Variants in TFEB observed in about 807,000 individuals in gnomAD.
TFEB encodes T-cell transcription factor EB.
Under a neutral mutation model 48.0 loss-of-function variants are expected in TFEB, and 12 were observed. That is an observed-to-expected ratio of 0.25 (90% confidence interval 0.16 to 0.40). The LOEUF (loss-of-function observed/expected upper bound fraction) is 0.40. TFEB is among the 10% of genes least tolerant of loss of function. The pLI, the probability that TFEB is intolerant of heterozygous loss-of-function variation, is 1.00. For synonymous variants in TFEB, 244 were observed against 261.4 expected, an observed-to-expected ratio of 0.93 and a Z score of 0.64; for missense variants, 509 against 640.3, an observed-to-expected ratio of 0.79 and a Z score of 2.21.
chr6:41,686,504 CT>C, intron 7 of TFEB: 1 of 267,250 alleles, frequency 3.7e-6, no homozygotes, highest in South Asian at 1.1e-4. Context: ...CCCAGCCTAC[CT>C]TTCTTTTTTT....
At chr6:41,698,565 C>T (rs1769732553) in intron 1 of TFEB, among the ~76,000 whole-genome samples, 2 of 152,106 alleles carry the variant, frequency 1.3e-5, no homozygotes, top group African/African-American at 4.8e-5. Flanking sequence ...GTGTGCAAGC[C>T]CAGAGGCTGG....
At chr6:41,714,710 T>C (rs1204838416) in intron 1 of TFEB, among the ~76,000 whole-genome samples, 1 of 152,154 alleles carries the variant, frequency 6.6e-6, no homozygotes, top group Non-Finnish European at 1.5e-5. Context: ...GCGGGGAGAC[T>C]GGGGCAGCGC....
chr6:41,687,457 C>G (rs997150090), intron 6 of TFEB, among the ~76,000 whole-genome samples: 1 of 152,226 alleles, frequency 6.6e-6, no homozygotes, highest in Admixed American at 6.5e-5. Context: ...ACACAGAACT[C>G]TGATGCCCCA....
rs567468165 is a variant in TFEB at position 41,691,861 on chromosome 6, C to T, written c.-22-626G>A. 6.6e-6 allele frequency among the ~76,000 whole-genome samples: 1 copy of T among 152,158 alleles called. No individual in the cohort carries two copies. Among genetic ancestry groups the T allele is most frequent in the African/African-American group, 2.4e-5 (1 of 41,426 alleles). ...TCGTGTTCCCCTTTGACCCCATCCG[C>T]CAGCTCTCCCTCTTGTTTTATCTGC... is the stretch of plus-strand genomic sequence containing the variant. On this transcript the variant is annotated intron_variant, in intron 1 of 8. Coordinates refer to ENST00000373033, the MANE Select transcript of TFEB (RefSeq NM_001271944.2). The surrounding 1 kb of genome is among the most constrained non-coding windows in gnomAD (Gnocchi z 5.2).
chr6:41,735,238 C>A (rs1286807310), intron 1 of TFEB, 112 bp downstream of exon 1: 10 of 937,722 alleles, frequency 1.1e-5, no homozygotes, highest in Middle Eastern at 1.1e-3. Context: ...CCTCTCCTGC[C>A]GGCATCCCCC....
rs1474836461 is a variant in TFEB at position 41,734,630 on chromosome 6, G to A, written c.-23+720C>T. Among the ~76,000 whole-genome samples, 17 of 151,834 alleles carry A rather than the reference G, an allele frequency of 1.1e-4. 1 individual carries two copies. In the East Asian group the frequency reaches 3.3e-3, roughly 30 times the overall value. On this transcript the variant is annotated intron_variant, in intron 1 of 8. Coordinates refer to ENST00000373033, the MANE Select transcript of TFEB (RefSeq NM_001271944.2). The surrounding 1 kb of genome is among the most constrained non-coding windows in gnomAD (Gnocchi z 4.0). ...GGGAACCCGGGGGGAGGCAGACAAC[G>A]GGGCGCACGGAGGGAGCGCTCCGGG...
chr6:41,686,604 C>T (rs2018629), intron 7 of TFEB: 14,738 of 228,454 alleles, frequency 0.065, 643 homozygotes, highest in Non-Finnish European at 0.086. Context: ...CTACCTCCAC[C>T]TCCTGAGTTC....
Position 41,734,666 on chromosome 6 carries a change from C to A in TFEB, c.-23+684G>T, listed in dbSNP as rs947302357. Among the ~76,000 whole-genome samples, 3 of 151,808 alleles carry A rather than the reference C, an allele frequency of 2.0e-5. No homozygotes were observed. Among genetic ancestry groups the A allele is most frequent in the African/African-American group, 4.8e-5 (2 of 41,350 alleles). On this transcript the variant is annotated intron_variant, in intron 1 of 8. Coordinates refer to ENST00000373033, the MANE Select transcript of TFEB (RefSeq NM_001271944.2). This position sits in a 1 kb window ranked among gnomAD's most constrained non-coding sequence, Gnocchi z 4.0. ...AGGGAGCGCTCCGGGGTTGGTGTTC[C>A]CCAGGGTCATAGAATAACCCACGGG... is the stretch of plus-strand genomic sequence containing the variant.
intron 1 of TFEB, among the ~76,000 whole-genome samples, chr6:41,713,121 G>T (rs141891850): frequency 2.6e-4 from 40 of 152,116 alleles, no homozygotes; most frequent in African/African-American, 8.2e-4. Context: ...CCATACAGAG[G>T]GCCTCAGTCC....
In TFEB at chr6:41,694,860, C is replaced by T. The variant is rs187373074; in HGVS notation, c.-22-3625G>A. Among the ~76,000 whole-genome samples, 322 of 152,218 alleles carry T rather than the reference C, an allele frequency of 2.1e-3. 2 individuals are homozygous for T. The highest frequency in any genetic ancestry group is 7.4e-3 in the African/African-American group (307 of 41,518). The stretch of plus-strand genomic sequence containing the variant: ...GCACTTCCCTGGAGAGCCTTCTCCC[C>T]TGCCCCTCCCAGGTAACACCCTCCT... On this transcript the variant is annotated intron_variant, in intron 1 of 8. Coordinates refer to ENST00000373033, the MANE Select transcript of TFEB (RefSeq NM_001271944.2).
upstream of TFEB, chr6:41,735,751 G>A (rs973739081): frequency 1.7e-5 from 4 of 238,082 alleles, no homozygotes; most frequent in African/African-American, 6.9e-5. Context: ...GCGGACTAAG[G>A]CTTACAGGGA....
chr6:41,719,842 G>C (rs1770902573), intron 1 of TFEB, among the ~76,000 whole-genome samples: 1 of 152,196 alleles, frequency 6.6e-6, no homozygotes, highest in Non-Finnish European at 1.5e-5. Flanking sequence ...CCTCAGGCCA[G>C]CTCTCCCATT....
At chr6:41,731,785 G>A (rs1476248427) in intron 1 of TFEB, among the ~76,000 whole-genome samples, 1 of 152,216 alleles carries the variant, frequency 6.6e-6, no homozygotes, top group Non-Finnish European at 1.5e-5. Flanking sequence ...GTTAATGGAC[G>A]TGGAATGCAT....
In TFEB at chr6:41,720,531, C is replaced by A. The variant is rs552503249; in HGVS notation, c.-23+14819G>T. On this transcript the variant is annotated intron_variant, in intron 1 of 8. Coordinates refer to ENST00000373033, the MANE Select transcript of TFEB (RefSeq NM_001271944.2). The surrounding 1 kb of genome is among the most constrained non-coding windows in gnomAD (Gnocchi z 4.1). The stretch of plus-strand genomic sequence containing the variant: ...TAGGTCACAAGATGGGCATCACCAC[C>A]CAGGAGGCTGGCCGCTCAGGAGACA... 4 of 152,330 alleles carry A rather than the reference C, an allele frequency of 2.6e-5. No homozygotes were observed. Among genetic ancestry groups the A allele is most frequent in the Non-Finnish European group, 4.4e-5 (3 of 68,134 alleles). The allele number at this position is 152,330 out of a possible 1,614,324, so 9.4% of individuals were successfully genotyped here.
chr6:41,712,252 T>C (rs1770514827), intron 1 of TFEB, among the ~76,000 whole-genome samples: 1 of 152,190 alleles, frequency 6.6e-6, no homozygotes, highest in Non-Finnish European at 1.5e-5. Context: ...TCCAGGGTCC[T>C]ACAGGACTCC....
intron 1 of TFEB, among the ~76,000 whole-genome samples, chr6:41,716,184 G>A (rs1388217415): frequency 6.6e-5 from 10 of 152,328 alleles, no homozygotes; most frequent in Non-Finnish European, 1.5e-4. Flanking sequence ...GGAGGAAACT[G>A]AGGCATACAG....
chr6:41,687,220 A>G (rs760904355), intron 6 of TFEB, 51 bp from the exon 7 acceptor site: 1 of 1,584,950 alleles, frequency 6.3e-7, no homozygotes, highest in Admixed American at 1.7e-5. Context: ...GGGACCCCCC[A>G]CCCCATGGGG....
Position 41,684,793 on chromosome 6 carries a change from A to G in TFEB, c.1237T>C (p.Tyr413His). The change falls in exon 9 of 9, where the codon TAC becomes CAC. Residue 413 changes from tyrosine (Y) to histidine (H), a missense_variant. Tyr to His is a moderately conservative substitution (Grantham distance 83). Transcript: ENST00000373033. ...TGCCCCGGCGCCAGGGGTTCGGGGT[A>G]GCCCGGGGGACCCTCGTCCTCCCTG... The part of the protein sequence containing the change: ...GGREDEGPPG[Y>H]PEPLAPGHGS... The G allele has an allele frequency of 6.2e-7, 1 of 1,606,638 alleles. No individual in the cohort carries two copies. Among genetic ancestry groups the G allele is most frequent in the Non-Finnish European group, 8.5e-7 (1 of 1,176,510 alleles).
chr6:41,718,843 G>A (rs1050211071), intron 1 of TFEB, among the ~76,000 whole-genome samples: 6 of 152,108 alleles, frequency 3.9e-5, no homozygotes, highest in East Asian at 1.9e-4. Flanking sequence ...AACACAATCC[G>A]TTGGGACCTG....
Sources: gnomAD v4.1 joint callset for allele counts (sites outside exome capture counted in the v4.1 genomes callset) on GRCh38, gnomAD v4.1.1 for gene constraint, Gnocchi (gnomAD v3.1) non-coding constraint, MANE v1.5 for transcripts, NCBI Gene and HGNC (gene_info 2026-07-23, HGNC 2026-07-21) for gene names.